The following PAX7 variants were observed in gnomAD, a reference collection of about 807,000 sequenced individuals.
The protein encoded by PAX7 is paired box 7.
PAX7 carries 18 observed loss-of-function variants against 50.7 expected under a neutral mutation model. The ratio of observed to expected loss-of-function variants is 0.36; its 90% CI spans 0.25 to 0.53. The LOEUF (loss-of-function observed/expected upper bound fraction) is 0.53, where lower values mean the gene tolerates loss of function less well. Among genes scored for constraint, PAX7 ranks in the 20% least tolerant of loss-of-function variants. The pLI is 0.93. For missense variants in PAX7, 644 were observed against 702.9 expected (o/e 0.92, Z 0.95); for synonymous variants, 310 against 290.4 (o/e 1.07, Z -0.69).
chr1:18,724,405 C>T, intron 7 of PAX7, among the ~76,000 whole-genome samples: 1 of 152,220 alleles, frequency 6.6e-6, no homozygotes, highest in Non-Finnish European at 1.5e-5. Context: ...CCAACACAGC[C>T]AAGGCACACT....
chr1:18,696,822 ATGTATT>A (rs1370361808), intron 5 of PAX7, among the ~76,000 whole-genome samples: 21 of 152,120 alleles, frequency 1.4e-4, no homozygotes, highest in Non-Finnish European at 2.9e-5. Flanking sequence ...GATAAAGAAG[ATGTATT>A]TGTATTTGAT....
intron 4 of PAX7, among the ~76,000 whole-genome samples, chr1:18,669,002 C>G (rs570041768): frequency 6.6e-6 from 1 of 152,314 alleles, no homozygotes; most frequent in Admixed American, 6.5e-5. Context: ...CCAGGCCAGG[C>G]CTGGCTTCCT....
intron 1 of PAX7, among the ~76,000 whole-genome samples, chr1:18,633,788 C>A (rs2088099059): frequency 6.6e-6 from 1 of 152,210 alleles, no homozygotes; most frequent in Admixed American, 6.5e-5. Context: ...CCCCAACAAA[C>A]TGGATCATTC....
intron 8 of PAX7, among the ~76,000 whole-genome samples, chr1:18,737,485 G>A (rs1246684974): frequency 1.3e-5 from 2 of 152,276 alleles, no homozygotes; most frequent in South Asian, 2.1e-4. Flanking sequence ...ATGTACACAT[G>A]TGTGTATGGG....
At chr1:18,659,313 CT>C (rs2088567699) in intron 4 of PAX7, among the ~76,000 whole-genome samples, 1 of 152,220 alleles carries the variant, frequency 6.6e-6, no homozygotes, top group South Asian at 2.1e-4. Context: ...TTGAGAACTT[CT>C]CTGAGACACC....
At chr1:18,665,344 C>T (rs901331945) in intron 4 of PAX7, among the ~76,000 whole-genome samples, 1 of 152,048 alleles carries the variant, frequency 6.6e-6, no homozygotes, top group East Asian at 1.9e-4. Flanking sequence ...ATGGCATGAG[C>T]GGGCTCGGGT....
At chr1:18,646,601 C>G (rs2088343250) in intron 4 of PAX7, among the ~76,000 whole-genome samples, 1 of 152,182 alleles carries the variant, frequency 6.6e-6, no homozygotes, top group South Asian at 2.1e-4. Context: ...CGCCCCCTCC[C>G]CGCCGCCCTC....
chr1:18,682,415 G>T (rs1320660951), intron 4 of PAX7, among the ~76,000 whole-genome samples: 1 of 152,158 alleles, frequency 6.6e-6, no homozygotes, highest in Non-Finnish European at 1.5e-5. Context: ...GCCAGCTGTT[G>T]GGCCCCATGG....
intron 7 of PAX7, among the ~76,000 whole-genome samples, chr1:18,725,611 G>A (rs781564971): frequency 7.2e-5 from 11 of 152,148 alleles, no homozygotes; most frequent in East Asian, 1.9e-4. Context: ...ATTACAAAAC[G>A]GCCATTTGCC....
At chr1:18,699,393 G>C (rs970115055) in intron 5 of PAX7, among the ~76,000 whole-genome samples, 1 of 152,178 alleles carries the variant, frequency 6.6e-6, no homozygotes, top group Non-Finnish European at 1.5e-5. Context: ...GAAGGCCAAA[G>C]AGCCAGCTGC....
At chr1:18,722,640 G>A (rs888143348) in intron 7 of PAX7, among the ~76,000 whole-genome samples, 12 of 152,148 alleles carry the variant, frequency 7.9e-5, no homozygotes, top group Non-Finnish European at 1.3e-4. Context: ...GCGGCAGGGC[G>A]TCGACATAGC....
At chr1:18,719,788 G>A (rs2089472576) in intron 7 of PAX7, among the ~76,000 whole-genome samples, 1 of 105,478 alleles carries the variant, frequency 9.5e-6, no homozygotes, top group Non-Finnish European at 1.9e-5. Context: ...TCTCTGGGGT[G>A]AAACAGCTGT....
intron 4 of PAX7, among the ~76,000 whole-genome samples, chr1:18,640,483 C>A (rs1450767882): frequency 1.9e-5 from 2 of 104,858 alleles, no homozygotes; most frequent in South Asian, 3.1e-4. Flanking sequence ...GGGGCGGGGG[C>A]GGAGAGGGAC....
At chr1:18,646,725 C>T (rs1230406029) in intron 4 of PAX7, among the ~76,000 whole-genome samples, 5 of 151,924 alleles carry the variant, frequency 3.3e-5, no homozygotes, top group South Asian at 4.2e-4. Context: ...CCTGGTGGCG[C>T]TTTACTATGG....
chr1:18,634,792 C>T lies in PAX7; in HGVS notation c.321+254C>T, dbSNP rs138701243. ...GACTGTCCCCACATTTGCCTCAACC[C>T]CTGTCACCTTCCAAGACCAGAAGAC... On this transcript the variant is annotated intron_variant, in intron 2 of 8. Coordinates refer to ENST00000420770, the MANE Select transcript of PAX7 (RefSeq NM_001135254.2). The surrounding 1 kb of genome is among the most constrained non-coding windows in gnomAD (Gnocchi z 4.0). Among the ~76,000 whole-genome samples, 24 of 152,308 alleles carry T rather than the reference C, an allele frequency of 1.6e-4. 1 individual carries two copies. The East Asian group carries it at 4.6e-3, about 29-fold the overall frequency.
intron 5 of PAX7, among the ~76,000 whole-genome samples, chr1:18,692,725 G>A (rs956219936): frequency 6.6e-6 from 1 of 152,234 alleles, no homozygotes; most frequent in Non-Finnish European, 1.5e-5. Context: ...AAGCATGCAC[G>A]TAGGCTGGGT....
rs1451469222 is a variant in PAX7, at chr1:18,747,574, G to A, written c.*2645G>A. The A allele has an allele frequency of 1.4e-5, 3 of 212,066 alleles. No homozygotes were observed. The highest frequency in any genetic ancestry group is 7.0e-5 in the East Asian group (1 of 14,220). The allele number at this position is 212,066 out of a possible 1,614,324, so 13.1% of individuals were successfully genotyped here. A position where few individuals can be genotyped will look rare whatever the true frequency, so the allele number is the denominator to read the frequency against. ...GACACAAGGCCTCCATCTCTTTGGGGCTGACCACAGCCTGAGAAAGAAGGT... is the reference window on the plus strand; with the variant it reads ...GACACAAGGCCTCCATCTCTTTGGGACTGACCACAGCCTGAGAAAGAAGGT... On this transcript the variant is annotated 3_prime_UTR_variant, in exon 9 of 9. Transcript: ENST00000420770.
At chr1:18,640,646 G>A (rs993359624) in intron 4 of PAX7, among the ~76,000 whole-genome samples, 4 of 152,168 alleles carry the variant, frequency 2.6e-5, no homozygotes, top group African/African-American at 7.2e-5. Flanking sequence ...GGATTACCCC[G>A]GGTTGGCAAT....
intron 4 of PAX7, among the ~76,000 whole-genome samples, chr1:18,655,770 GGTGTGTGT>G (rs549280757): frequency 0.01 from 1,456 of 143,658 alleles, 23 homozygotes; most frequent in Admixed American, 0.032. Context: ...ACTTGGAGAG[GGTGTGTGT>G]GTGTGTGTGT....
Sources: allele counts gnomAD v4.1 joint callset (sites outside exome capture counted in the v4.1 genomes callset), GRCh38; gene constraint gnomAD v4.1.1; non-coding constraint Gnocchi (gnomAD v3.1); transcripts MANE v1.5; gene names NCBI Gene and HGNC (gene_info 2026-07-23, HGNC 2026-07-21).